MYCBP2: variants seen among roughly 807,000 people sequenced by gnomAD.
The protein encoded by MYCBP2 is MYC binding protein 2.
Under a neutral mutation model 525.3 loss-of-function variants are expected in MYCBP2, and 120 were observed. The ratio of observed to expected loss-of-function variants is 0.23; its 90% confidence interval spans 0.20 to 0.27. The LOEUF is 0.27. Ranked by LOEUF, MYCBP2 falls within the 10% of genes least tolerant of loss-of-function variation. MYCBP2 has a pLI of 1.00. For synonymous variants in MYCBP2, 1,894 were observed against 1,955.8 expected (o/e 0.97, Z 0.83); for missense variants, 4,149 against 5,657.1 (o/e 0.73, Z 8.55).
intron 37 of MYCBP2, among the ~76,000 whole-genome samples, chr13:77,172,441 C>T (rs753833756): frequency 6.6e-6 from 1 of 152,058 alleles, no homozygotes; most frequent in Non-Finnish European, 1.5e-5. Flanking sequence ...GGGTTTGGAG[C>T]AAGGGTGGAA....
intron 15 of MYCBP2, among the ~76,000 whole-genome samples, chr13:77,248,082 G>A (rs978809805): frequency 1.3e-5 from 2 of 149,524 alleles, no homozygotes; most frequent in East Asian, 2.0e-4. Flanking sequence ...CATGGCACAT[G>A]TATACATATG....
In MYCBP2 at chr13:77,157,836, T is replaced by C. The variant is rs1294392776; in HGVS notation, c.6770+101A>G. ...CAAGTTAAACATACATAAACCAGAC[T>C]TTTTTAAAGTAGTATTTTAATATTC... is the stretch of plus-strand genomic sequence containing the variant. On this transcript the variant is annotated intron_variant, in intron 45 of 82. Transcript: ENST00000544440. 5 of 990,520 alleles carry C rather than the reference T, an allele frequency of 5.0e-6. No individual in the cohort carries two copies. In the African/African-American group the frequency reaches 8.5e-5, roughly 17 times the overall value. The allele number at this position is 990,520 out of a possible 1,614,324, so 61.4% of individuals were successfully genotyped here.
At chr13:77,304,203 T>C (rs1160831592) in intron 1 of MYCBP2, among the ~76,000 whole-genome samples, 2 of 152,176 alleles carry the variant, frequency 1.3e-5, no homozygotes, top group African/African-American at 4.8e-5. Context: ...CTATTCACAA[T>C]AGCCAAGATG....
chr13:77,081,828 A>G lies in MYCBP2; in HGVS notation c.11193+9T>C. 2 of 1,607,136 alleles carry G rather than the reference A, an allele frequency of 1.2e-6. No individual in the cohort carries two copies. The highest frequency in any genetic ancestry group is 1.7e-6 in the Non-Finnish European group (2 of 1,177,032). Reference sequence around the variant, plus strand: ...CAGGACAACCAGGATAATAACTGAAATGACTGACCTGACTCATAGCTTCAA... The same window carrying G: ...CAGGACAACCAGGATAATAACTGAAGTGACTGACCTGACTCATAGCTTCAA... On this transcript the variant is annotated intron_variant, in intron 64 of 82. Coordinates refer to ENST00000544440, the MANE Select transcript of MYCBP2 (RefSeq NM_015057.5). The surrounding 1 kb of genome is among the most constrained non-coding windows in gnomAD (Gnocchi z 4.6).
chr13:77,253,713 G>A (rs2071622280), intron 14 of MYCBP2, among the ~76,000 whole-genome samples: 2 of 151,866 alleles, frequency 1.3e-5, no homozygotes, highest in South Asian at 4.2e-4. Flanking sequence ...TTTCCTGCAT[G>A]CATATTATAC....
chr13:77,260,646 T>A, intron 12 of MYCBP2, 54 bp from the exon 13 acceptor site: 1 of 1,397,956 alleles, frequency 7.2e-7, no homozygotes, highest in South Asian at 1.3e-5. Context: ...ATAATAATAA[T>A]AATGGTTTGT....
chr13:77,259,948 C>T (rs1428322581), intron 13 of MYCBP2, among the ~76,000 whole-genome samples: 1 of 152,098 alleles, frequency 6.6e-6, no homozygotes, highest in South Asian at 2.1e-4. Flanking sequence ...TATCAGTCAC[C>T]CAGGCACTAG....
chr13:77,217,690 G>A, intron 21 of MYCBP2, 150 bp downstream of exon 21: 1 of 455,574 alleles, frequency 2.2e-6, no homozygotes, highest in East Asian at 3.5e-5. Flanking sequence ...GGTTTAGTGT[G>A]TGTTGGGGAT....
intron 1 of MYCBP2, among the ~76,000 whole-genome samples, chr13:77,315,889 TG>T (rs1335266553): frequency 1.2e-4 from 14 of 119,730 alleles, no homozygotes; most frequent in African/African-American, 4.3e-4. Flanking sequence ...AGCAAGGCTC[TG>T]TCTCAAAAAA....
At chr13:77,286,942 T>TG (rs1259180180) in intron 3 of MYCBP2, among the ~76,000 whole-genome samples, 20 of 148,256 alleles carry the variant, frequency 1.3e-4, no homozygotes, top group Non-Finnish European at 2.5e-4. Flanking sequence ...TGGAGTGCAG[T>TG]GGCGCCATCT....
rs2082298837 is a variant in MYCBP2 at position 77,326,291 on chromosome 13, C to T, written c.302+183G>A. On this transcript the variant is annotated intron_variant, in intron 1 of 82. Coordinates refer to ENST00000544440, the MANE Select transcript of MYCBP2 (RefSeq NM_015057.5). This position sits in a 1 kb window ranked among gnomAD's most constrained non-coding sequence, Gnocchi z 4.2. ...CACACACACACACACACACGAGAAACTGCAGCCACCGCACCCTCCTATCTC... is the reference window on the plus strand; with the variant it reads ...CACACACACACACACACACGAGAAATTGCAGCCACCGCACCCTCCTATCTC... Among the ~76,000 whole-genome samples, 1 of 139,910 alleles carries T rather than the reference C, an allele frequency of 7.1e-6. No homozygotes were observed. Among genetic ancestry groups the T allele is most frequent in the Non-Finnish European group, 1.5e-5 (1 of 64,736 alleles). 91.8% of individuals were successfully genotyped at this position (139,910 alleles called of 152,430 possible). A position where few individuals can be genotyped will look rare whatever the true frequency, so the allele number is the denominator to read the frequency against.
chr13:77,263,886 G>T, intron 9 of MYCBP2, 43 bp downstream of exon 9: 7 of 1,606,436 alleles, frequency 4.4e-6, no homozygotes, highest in Non-Finnish European at 5.1e-6. Context: ...TTAAGGAAAA[G>T]GAATTCCATT....
chr13:77,101,470 C>T (rs1437060932), intron 55 of MYCBP2, among the ~76,000 whole-genome samples: 2 of 152,028 alleles, frequency 1.3e-5, no homozygotes, highest in African/African-American at 4.8e-5. Context: ...TGAAAACAAC[C>T]TCTGTGGTTG....
At chr13:77,070,049 CA>C (rs1388849461) in intron 69 of MYCBP2, among the ~76,000 whole-genome samples, 2 of 152,006 alleles carry the variant, frequency 1.3e-5, no homozygotes, top group African/African-American at 4.8e-5. Context: ...GCTCAGCCAA[CA>C]CACAGAAGAA....
At position 77,061,277 on chromosome 13, in the gene MYCBP2, T is replaced by C. The variant is rs754674939; in HGVS notation, c.12928A>G (p.Ile4310Val). The change falls in exon 76 of 83, where the codon ATA becomes GTA. Residue 4310 changes from isoleucine (I) to valine (V), a missense_variant. Ile to Val is a conservative substitution (Grantham distance 29). Around this residue, in one of 21 missense-constraint regions of MYCBP2, gnomAD observed 220 missense variants for 396.0 expected, o/e 0.56. Coordinates refer to ENST00000544440, the MANE Select transcript of MYCBP2 (RefSeq NM_015057.5). ...RQVFKEEEEA[I>V]KVDLHEGCGR... ...CAACCTTCATGAAGGTCAACCTTTA[T>C]AGCTTCTTCTTCTTCTTTGAAGACC... 3 of 1,608,752 alleles carry C rather than the reference T, an allele frequency of 1.9e-6. No individual in the cohort carries two copies. Among genetic ancestry groups the C allele is most frequent in the Admixed American group, 1.7e-5 (1 of 59,048 alleles).
intron 52 of MYCBP2, chr13:77,129,189 T>G: frequency 2.5e-6 from 1 of 397,940 alleles, no homozygotes; most frequent in Non-Finnish European, 4.4e-6. Flanking sequence ...TCCATGAAAA[T>G]ACGTCCAAAT....
chr13:77,185,031 G>A, intron 32 of MYCBP2, 72 bp downstream of exon 32: 2 of 1,350,344 alleles, frequency 1.5e-6, no homozygotes, highest in South Asian at 1.4e-5. Flanking sequence ...TATGGCAACT[G>A]CAATTTATTT....
chr13:77,288,089 G>C (rs529660136), intron 3 of MYCBP2, 72 bp downstream of exon 3: 1 of 1,405,212 alleles, frequency 7.1e-7, no homozygotes, highest in African/African-American at 1.4e-5. Flanking sequence ...TTTTAGCAAT[G>C]CGTATATATG....
At chr13:77,052,414 G>A (rs2037017273) in intron 80 of MYCBP2, among the ~76,000 whole-genome samples, 1 of 152,248 alleles carries the variant, frequency 6.6e-6, no homozygotes, top group South Asian at 2.1e-4. Context: ...GCCCAGGCTG[G>A]TCTCAAACTC....
Sources: allele counts gnomAD v4.1 joint callset (sites outside exome capture counted in the v4.1 genomes callset), GRCh38; gene constraint gnomAD v4.1.1; regional missense constraint gnomAD v4.1.1; non-coding constraint Gnocchi (gnomAD v3.1); transcripts MANE v1.5; gene names NCBI Gene and HGNC (gene_info 2026-07-23, HGNC 2026-07-21).